The following LYAR variants were observed in gnomAD, a reference collection of about 807,000 sequenced individuals.
The protein encoded by LYAR is cell growth-regulating nucleolar protein.
Under a neutral mutation model 45.2 loss-of-function variants are expected in LYAR, and 37 were observed. The ratio of observed to expected loss-of-function variants is 0.82; its 90% CI spans 0.63 to 1.08. The LOEUF (loss-of-function observed/expected upper bound fraction) is 1.08. Among genes scored for constraint, LYAR ranks in the 50% least tolerant of loss-of-function variants. The probability of loss-of-function intolerance (pLI) is 0.00; values close to 1 mark genes in which losing one functional copy is unlikely to be tolerated. For synonymous variants in LYAR, 176 were observed against 155.1 expected (o/e 1.14, Z -1.00); for missense variants, 493 against 451.0 (o/e 1.09, Z -0.84).
chr4:4,280,483 GAAC>G (rs1226907884), intron 4 of LYAR, among the ~76,000 whole-genome samples: 1 of 152,058 alleles, frequency 6.6e-6, no homozygotes, highest in Non-Finnish European at 1.5e-5. Context: ...ATCTTGAAAA[GAAC>G]AACAAAAATG....
At chr4:4,270,188 G>C (rs1396539384) in intron 8 of LYAR, among the ~76,000 whole-genome samples, 1 of 149,672 alleles carries the variant, frequency 6.7e-6, no homozygotes, top group Non-Finnish European at 1.5e-5. Context: ...GGGCAACAGT[G>C]AGACCCTGTC....
intron 8 of LYAR, among the ~76,000 whole-genome samples, chr4:4,270,174 CCCTGGG>C (rs1718876964): frequency 6.6e-6 from 1 of 151,322 alleles, no homozygotes; most frequent in Non-Finnish European, 1.5e-5. Context: ...ATGCACTCCA[CCCTGGG>C]CAACAGTGAG....
intron 6 of LYAR, 85 bp downstream of exon 6, chr4:4,279,362 T>C: frequency 1.0e-6 from 1 of 954,080 alleles, no homozygotes; most frequent in South Asian, 1.5e-5. Flanking sequence ...GAAGGCTGCC[T>C]TGACTTCCAA....
intron 7 of LYAR, 29 bp from the exon 8 acceptor site, chr4:4,273,698 G>C (rs559618803): frequency 6.8e-7 from 1 of 1,467,384 alleles, no homozygotes; most frequent in Admixed American, 1.7e-5. Flanking sequence ...TTTTTTTAAA[G>C]AAGATTTTGC....
At chr4:4,276,998 A>G (rs1273903048) in intron 6 of LYAR, among the ~76,000 whole-genome samples, 1 of 152,168 alleles carries the variant, frequency 6.6e-6, no homozygotes, top group Non-Finnish European at 1.5e-5. Context: ...GGACAAAGAA[A>G]CTTCACATCT....
chr4:4,287,699 C>A (rs915728910), intron 1 of LYAR, among the ~76,000 whole-genome samples: 1 of 152,198 alleles, frequency 6.6e-6, no homozygotes, highest in African/African-American at 2.4e-5. Flanking sequence ...CAGGCTCCCA[C>A]CCTGCCTCCA....
chr4:4,271,375 C>T (rs548443914), intron 8 of LYAR, among the ~76,000 whole-genome samples: 4 of 152,276 alleles, frequency 2.6e-5, no homozygotes, highest in East Asian at 1.9e-4. Context: ...AATAGTACTC[C>T]GCTGTGTACA....
intron 2 of LYAR, among the ~76,000 whole-genome samples, chr4:4,285,864 T>G (rs777554784): frequency 6.6e-6 from 1 of 152,108 alleles, no homozygotes; most frequent in Non-Finnish European, 1.5e-5. Flanking sequence ...ACAAAATATA[T>G]TGACTGAAAG....
Position 4,283,706 on chromosome 4 carries a change from C to A in LYAR, c.37G>T (p.Val13Leu). ...FFTCNACGES[V>L]KKIQVEKHVS... ...TGCTTTTCCACTTGTATTTTCTTCACTGATTCACCACATGCATTGCATGTA... is the reference window on the plus strand; with the variant it reads ...TGCTTTTCCACTTGTATTTTCTTCAATGATTCACCACATGCATTGCATGTA... The change falls in exon 3 of 10, where the codon GTG becomes TTG. Residue 13 changes from valine (V) to leucine (L), a missense_variant. Physicochemically the swap from Val to Leu is conservative, Grantham distance 32 (BLOSUM62 1). Transcript: ENST00000343470. The A allele has an allele frequency of 6.2e-7, 1 of 1,612,586 alleles. No homozygotes were observed. The highest frequency in any genetic ancestry group is 1.1e-5 in the South Asian group (1 of 91,070).
chr4:4,268,670 G>C, intron 8 of LYAR, 55 bp from the exon 9 acceptor site: 1 of 1,221,160 alleles, frequency 8.2e-7, no homozygotes, highest in South Asian at 1.3e-5. Flanking sequence ...CTACGAGAAG[G>C]GTAAAGAAAC....
intron 6 of LYAR, among the ~76,000 whole-genome samples, chr4:4,278,391 A>T (rs1244205860): frequency 6.6e-6 from 1 of 152,234 alleles, no homozygotes; most frequent in South Asian, 2.1e-4. Flanking sequence ...ATGTGGCTGA[A>T]AGATAGCAAA....
intron 6 of LYAR, among the ~76,000 whole-genome samples, chr4:4,278,134 A>G (rs1476950450): frequency 1.3e-5 from 2 of 152,238 alleles, no homozygotes; most frequent in African/African-American, 4.8e-5. Flanking sequence ...TAGATGCCAC[A>G]TAAAGGCCAA....
intron 8 of LYAR, among the ~76,000 whole-genome samples, chr4:4,272,983 G>C (rs999334615): frequency 2.0e-5 from 3 of 152,180 alleles, no homozygotes; most frequent in Non-Finnish European, 2.9e-5. Context: ...GCATTTCAGA[G>C]GGCCCGTGAA....
rs76941981 is a variant in LYAR at position 4,268,648 on chromosome 4, C to A, written c.920-33G>T. On this transcript the variant is annotated intron_variant, in intron 8 of 9. Coordinates refer to ENST00000343470, the MANE Select transcript of LYAR (RefSeq NM_017816.3). ...ATAAATAATAATATTTAAGACATTT[C>A]GTTTTGTTGTACTACGAGAAGGGTA... 7.4e-5 allele frequency: 106 copies of A among 1,423,496 alleles called. 1 individual carries two copies. The East Asian group carries it at 2.3e-3, about 31-fold the overall frequency. 88.2% of individuals were successfully genotyped at this position (1,423,496 alleles called of 1,614,324 possible).
At chr4:4,269,823 T>A (rs1718862561) in intron 8 of LYAR, among the ~76,000 whole-genome samples, 1 of 152,238 alleles carries the variant, frequency 6.6e-6, no homozygotes, top group South Asian at 2.1e-4. Flanking sequence ...TGAGGATATA[T>A]CTTAAGTGTT....
In LYAR at chr4:4,274,747, T is replaced by A; in HGVS notation, c.452A>T (p.Asp151Val). The A allele has an allele frequency of 1.2e-6, 2 of 1,604,252 alleles. No individual in the cohort carries two copies. Among genetic ancestry groups the A allele is most frequent in the East Asian group, 4.5e-5 (2 of 44,850 alleles). Residue 151 changes from aspartate (D) to valine (V), a missense_variant, in exon 7 of 10, where the codon GAT becomes GTT. By Grantham distance (152) the Asp-to-Val change is radical. Coordinates refer to ENST00000343470, the MANE Select transcript of LYAR (RefSeq NM_017816.3). Reference sequence around the variant, plus strand: ...TGCCACTGGGTGGAGTGGCCGTTGATCCTGTTCCTTATTGACTGGTTCCTT... The same window carrying A: ...TGCCACTGGGTGGAGTGGCCGTTGAACCTGTTCCTTATTGACTGGTTCCTT... ...SNSEPVNKEQ[D>V]QRPLHPVANP...
rs1482889640 is a variant in LYAR at position 4,268,586 on chromosome 4, C to T, written c.949G>A (p.Ala317Thr). The change falls in exon 9 of 10, where the codon GCA (alanine) becomes ACA (threonine). Residue 317 changes from alanine (A) to threonine (T), a missense_variant. Transcript: ENST00000343470. ...TTGTCTGGGGCCTGTTTCAGAATTGCTTTAATAGTTCCCTTCCAGTTGAAT... is the reference window on the plus strand; with the variant it reads ...TTGTCTGGGGCCTGTTTCAGAATTGTTTTAATAGTTCCCTTCCAGTTGAAT... ...GKFNWKGTIK[A>T]ILKQAPDNEI... 6.2e-7 allele frequency: 1 copy of T among 1,610,570 alleles called. No homozygotes were observed.
Position 4,283,810 on chromosome 4 carries a change from A to G in LYAR, c.-53-15T>C. ...TAAGTCTTGTCCTAAGGAAAAAAAG[A>G]CAATTATAATTATAAACTGAAACTT... On this transcript the variant is annotated splice_polypyrimidine_tract_variant and intron_variant, in intron 2 of 9. Transcript: ENST00000343470. 4 of 1,281,448 alleles carry G rather than the reference A, an allele frequency of 3.1e-6. No homozygotes were observed. The highest frequency in any genetic ancestry group is 2.4e-4 in the Middle Eastern group (1 of 4,176). The allele number at this position is 1,281,448 out of a possible 1,614,324, so 79.4% of individuals were successfully genotyped here.
At chr4:4,276,007 T>C (rs542454327) in intron 6 of LYAR, among the ~76,000 whole-genome samples, 2 of 152,284 alleles carry the variant, frequency 1.3e-5, no homozygotes, top group South Asian at 2.1e-4. Flanking sequence ...TGCATTACCT[T>C]ATTAAAATCA....
Sources: gnomAD v4.1 joint callset for allele counts (sites outside exome capture counted in the v4.1 genomes callset) on GRCh38, gnomAD v4.1.1 for gene constraint, MANE v1.5 for transcripts, NCBI Gene and HGNC (gene_info 2026-07-23, HGNC 2026-07-21) for gene names.